ENTHD1: variants seen among roughly 807,000 people sequenced by gnomAD.
ENTHD1 encodes the protein ENTH domain containing 1, also known as ENTH domain-containing protein 1.
A neutral mutation model predicts 39.1 loss-of-function variants in ENTHD1; 23 were observed. The ratio of observed to expected loss-of-function variants is 0.59; its 90% confidence interval spans 0.42 to 0.83. ENTHD1 has a LOEUF of 0.83. ENTHD1 is among the 40% of genes least tolerant of loss of function. ENTHD1 has a pLI of 0.00. For missense variants in ENTHD1, 624 were observed against 705.4 expected, an observed-to-expected ratio of 0.88 and a Z score of 1.31; for synonymous variants, 230 against 258.2, an observed-to-expected ratio of 0.89 and a Z score of 1.05.
intron 2 of ENTHD1, among the ~76,000 whole-genome samples, chr22:39,869,202 G>A (rs144204335): frequency 9.9e-4 from 151 of 152,284 alleles, no homozygotes; most frequent in Middle Eastern, 3.4e-3. Flanking sequence ...TAGCAAAGAC[G>A]TGGAATCAAT....
At chr22:39,888,260 CTTTTTTTTT>C (rs61092462) in intron 1 of ENTHD1, among the ~76,000 whole-genome samples, 12 of 110,650 alleles carry the variant, frequency 1.1e-4, no homozygotes, top group South Asian at 6.2e-4. Flanking sequence ...TTCTTTCTTT[CTTTTTTTTT>C]TTTTTTTTTT....
At chr22:39,803,044 T>C (rs989871857) in intron 5 of ENTHD1, among the ~76,000 whole-genome samples, 6 of 152,178 alleles carry the variant, frequency 3.9e-5, no homozygotes, top group African/African-American at 1.4e-4. Flanking sequence ...CTCCCCAATT[T>C]GTGTTTAAAT....
At chr22:39,887,069 A>G (rs1445495612) in intron 2 of ENTHD1, among the ~76,000 whole-genome samples, 1 of 152,188 alleles carries the variant, frequency 6.6e-6, no homozygotes, top group South Asian at 2.1e-4. Context: ...GACTCAATAC[A>G]GAGGATTAAA....
chr22:39,845,676 A>G (rs2065981141), intron 3 of ENTHD1, among the ~76,000 whole-genome samples: 1 of 152,218 alleles, frequency 6.6e-6, no homozygotes. Flanking sequence ...TCTTGTCACT[A>G]CATAATACAA....
chr22:39,828,809 G>C (rs1157353730), intron 4 of ENTHD1, among the ~76,000 whole-genome samples: 1 of 152,106 alleles, frequency 6.6e-6, no homozygotes, highest in East Asian at 1.9e-4. Flanking sequence ...AGTATATATA[G>C]AGAAAACAGA....
chr22:39,860,824 A>G (rs1205789064), intron 3 of ENTHD1, among the ~76,000 whole-genome samples: 1 of 152,270 alleles, frequency 6.6e-6, no homozygotes, highest in Non-Finnish European at 1.5e-5. Flanking sequence ...AAGTTAGAGC[A>G]AAATGACATT....
At chr22:39,840,714 G>T (rs2065937026) in intron 3 of ENTHD1, among the ~76,000 whole-genome samples, 1 of 151,988 alleles carries the variant, frequency 6.6e-6, no homozygotes, top group Non-Finnish European at 1.5e-5. Context: ...TTGTGAATTT[G>T]GAACCTTGAC....
chr22:39,782,210 C>G (rs55716796), intron 5 of ENTHD1, among the ~76,000 whole-genome samples: 123 of 152,236 alleles, frequency 8.1e-4, no homozygotes, highest in Admixed American at 5.0e-3. Context: ...TCGCTTAAAC[C>G]TGGGAGGTAA....
intron 5 of ENTHD1, among the ~76,000 whole-genome samples, chr22:39,804,146 A>G (rs2065621480): frequency 6.6e-6 from 1 of 152,078 alleles, no homozygotes; most frequent in South Asian, 2.1e-4. Flanking sequence ...CCTGAGTGAC[A>G]AAGCAAAACT....
rs558496346 is a variant in ENTHD1 at position 39,749,123 on chromosome 22, C to A, written c.1220-4840G>T. ...TAAAAAGCCACTTCATCTATAATTGCCGCATACCAATTTACTTTTGTTTCC... is the reference window on the plus strand; with the variant it reads ...TAAAAAGCCACTTCATCTATAATTGACGCATACCAATTTACTTTTGTTTCC... On this transcript the variant is annotated intron_variant, in intron 6 of 6. Transcript: ENST00000325157. Among the ~76,000 whole-genome samples the A allele has an allele frequency of 5.0e-4, 76 of 152,266 alleles. 2 individuals carry two copies. In the South Asian group the frequency reaches 0.015, roughly 30 times the overall value.
chr22:39,764,261 GC>G (rs757988069), intron 6 of ENTHD1, among the ~76,000 whole-genome samples: 1 of 151,990 alleles, frequency 6.6e-6, no homozygotes, highest in Non-Finnish European at 1.5e-5. Flanking sequence ...ATCACTTGAG[GC>G]CAGGAGTTCA....
Position 39,861,825 on chromosome 22 carries a change from C to A in ENTHD1, c.532G>T (p.Asp178Tyr). ...TACTTCTTCTCTGAAGCAGAAATAT[C>A]CGGTGTGGGGGCAGAAGTGCACGCT... Reference protein sequence around the residue: ...LTACTSAPTPDISASEKKYKL... With the variant: ...LTACTSAPTPYISASEKKYKL... The change falls in exon 3 of 7, where the codon GAT (aspartate) becomes TAT (tyrosine). Residue 178 changes from aspartate (D) to tyrosine (Y), a missense_variant. Transcript: ENST00000325157. 1 of 1,595,120 alleles carries A rather than the reference C, an allele frequency of 6.3e-7. No individual in the cohort carries two copies. Among genetic ancestry groups the A allele is most frequent in the South Asian group, 1.1e-5 (1 of 87,706 alleles).
chr22:39,810,824 A>C (rs1386304979), intron 5 of ENTHD1, among the ~76,000 whole-genome samples: 2 of 152,214 alleles, frequency 1.3e-5, no homozygotes, highest in Non-Finnish European at 2.9e-5. Flanking sequence ...TAAAATCCCT[A>C]TTAATAAAGA....
intron 5 of ENTHD1, among the ~76,000 whole-genome samples, chr22:39,818,119 T>G (rs992016399): frequency 1.3e-5 from 2 of 152,178 alleles, no homozygotes; most frequent in African/African-American, 4.8e-5. Context: ...TGGTCCTTTC[T>G]TTCACAAAAT....
At chr22:39,868,794 C>A (rs2066211666) in intron 2 of ENTHD1, among the ~76,000 whole-genome samples, 1 of 151,986 alleles carries the variant, frequency 6.6e-6, no homozygotes, top group African/African-American at 2.4e-5. Flanking sequence ...ACAAATAACC[C>A]AACTAAAAAA....
At chr22:39,784,645 G>T (rs552160557) in intron 5 of ENTHD1, among the ~76,000 whole-genome samples, 1 of 151,644 alleles carries the variant, frequency 6.6e-6, no homozygotes, top group African/African-American at 2.4e-5. Context: ...GGATGGAACC[G>T]TAGGTCATCA....
At chr22:39,797,589 G>T (rs2065560967) in intron 5 of ENTHD1, among the ~76,000 whole-genome samples, 1 of 152,086 alleles carries the variant, frequency 6.6e-6, no homozygotes. Flanking sequence ...TTTGCTTCCA[G>T]GTGTAGGACT....
chr22:39,765,707 C>T, intron 5 of ENTHD1, 98 bp from the exon 6 acceptor site: 3 of 1,213,394 alleles, frequency 2.5e-6, no homozygotes, highest in Non-Finnish European at 3.4e-6. Context: ...TTTTTAATGT[C>T]ATAACAGAAT....
chr22:39,833,695 G>T (rs2065887339), intron 4 of ENTHD1, among the ~76,000 whole-genome samples: 1 of 151,644 alleles, frequency 6.6e-6, no homozygotes, highest in Non-Finnish European at 1.5e-5. Context: ...GAGATATAAA[G>T]ATAGAGAATT....
Sources: allele counts gnomAD v4.1 joint callset (sites outside exome capture counted in the v4.1 genomes callset), GRCh38; gene constraint gnomAD v4.1.1; transcripts MANE v1.5; gene names NCBI Gene and HGNC (gene_info 2026-07-23, HGNC 2026-07-21).